The following TNFAIP8L3 variants were observed in gnomAD, a reference collection of about 807,000 sequenced individuals.
The protein encoded by TNFAIP8L3 is tumor necrosis factor alpha-induced protein 8-like protein 3.
In TNFAIP8L3, 7 loss-of-function variants were observed where a neutral mutation model predicts 11.8. That is an observed-to-expected ratio of 0.59 (90% CI 0.34 to 1.11). The LOEUF (loss-of-function observed/expected upper bound fraction) is 1.11, where lower values mean the gene tolerates loss of function less well. Ranked by LOEUF, TNFAIP8L3 falls within the 50% of genes most tolerant of loss-of-function variation. The probability of loss-of-function intolerance (pLI) is 0.03; values close to 1 mark genes in which losing one functional copy is unlikely to be tolerated. For synonymous variants in TNFAIP8L3, 98 were observed against 103.8 expected, an observed-to-expected ratio of 0.94 and a Z score of 0.34; for missense variants, 219 against 258.6, an observed-to-expected ratio of 0.85 and a Z score of 1.05.
At chr15:51,084,060 A>G (rs561964911) in intron 1 of TNFAIP8L3, among the ~76,000 whole-genome samples, 2 of 152,328 alleles carry the variant, frequency 1.3e-5, no homozygotes, top group Admixed American at 1.3e-4. Context: ...AAAATTACCT[A>G]TGCACTCATC....
upstream of TNFAIP8L3, among the ~76,000 whole-genome samples, chr15:51,095,174 G>C (rs1039119942): frequency 6.6e-6 from 1 of 151,306 alleles, no homozygotes; most frequent in African/African-American, 2.4e-5. Context: ...CAGAGACCTT[G>C]GACGAGACCT....
chr15:51,087,999 G>A (rs2065442524), intron 1 of TNFAIP8L3, among the ~76,000 whole-genome samples: 1 of 143,330 alleles, frequency 7.0e-6, no homozygotes, highest in Admixed American at 7.3e-5. Flanking sequence ...GATTTTTAGA[G>A]GAAACTTGTC....
intron 1 of TNFAIP8L3, among the ~76,000 whole-genome samples, chr15:51,078,363 G>C (rs1308490315): frequency 6.6e-6 from 1 of 152,192 alleles, no homozygotes; most frequent in South Asian, 2.1e-4. Flanking sequence ...ATCCTGGAAC[G>C]CTGAGGGCAC....
intron 1 of TNFAIP8L3, among the ~76,000 whole-genome samples, chr15:51,086,892 TTC>T (rs1187126660): frequency 1.3e-5 from 2 of 148,896 alleles, no homozygotes; most frequent in Non-Finnish European, 3.0e-5. Flanking sequence ...TTGCTACAAC[TTC>T]TTTTTTTTTT....
intron 1 of TNFAIP8L3, among the ~76,000 whole-genome samples, chr15:51,077,235 T>C (rs2065358625): frequency 6.6e-6 from 1 of 152,192 alleles, no homozygotes; most frequent in African/African-American, 2.4e-5. Context: ...TCATGCTGGC[T>C]CTCCCCAAGG....
chr15:51,104,568 G>A (rs1023918291), intron 1 of TNFAIP8L3, among the ~76,000 whole-genome samples: 1 of 152,166 alleles, frequency 6.6e-6, no homozygotes, highest in Non-Finnish European at 1.5e-5. Flanking sequence ...GTCTGCTGCA[G>A]CCTCGTCCCT....
intron 1 of TNFAIP8L3, among the ~76,000 whole-genome samples, chr15:51,102,995 C>T (rs1430861662): frequency 6.6e-6 from 1 of 152,096 alleles, no homozygotes; most frequent in Non-Finnish European, 1.5e-5. Flanking sequence ...CCCTCTCCTC[C>T]CCTTCTCTTC....
intron 1 of TNFAIP8L3, among the ~76,000 whole-genome samples, chr15:51,072,230 TC>T (rs2065313963): frequency 1.3e-5 from 2 of 152,140 alleles, no homozygotes; most frequent in African/African-American, 2.4e-5. Flanking sequence ...AACCTCTGCC[TC>T]CTGGTTTCAA....
At chr15:51,060,753 A>G (rs187033870) in intron 1 of TNFAIP8L3, among the ~76,000 whole-genome samples, 1 of 152,328 alleles carries the variant, frequency 6.6e-6, no homozygotes, top group Admixed American at 6.5e-5. Context: ...GCCTGATTCC[A>G]TACCCTGCTG....
upstream of TNFAIP8L3, among the ~76,000 whole-genome samples, chr15:51,094,952 C>T (rs967360068): frequency 6.6e-6 from 1 of 151,928 alleles, no homozygotes; most frequent in East Asian, 1.9e-4. This position sits in a 1 kb window ranked among gnomAD's most constrained non-coding sequence, Gnocchi z 4.4. Flanking sequence ...GGGGCGGCGC[C>T]GCGCCTCCCT....
At chr15:51,092,005 CT>C (rs1290777188) in intron 1 of TNFAIP8L3, among the ~76,000 whole-genome samples, 15 of 152,146 alleles carry the variant, frequency 9.9e-5, no homozygotes, top group Admixed American at 2.0e-4. Flanking sequence ...TACTGTTATC[CT>C]CATTTTACAG....
intron 1 of TNFAIP8L3, among the ~76,000 whole-genome samples, chr15:51,102,783 C>G (rs2065563698): frequency 6.6e-6 from 1 of 152,176 alleles, no homozygotes; most frequent in African/African-American, 2.4e-5. Flanking sequence ...TGACTTCCTG[C>G]TACTTCCTTT....
At chr15:51,070,430 T>C (rs13380237) in intron 1 of TNFAIP8L3, among the ~76,000 whole-genome samples, 9,616 of 152,322 alleles carry the variant, frequency 0.063, 1,041 homozygotes, top group African/African-American at 0.22. Context: ...TGCTCTTCCA[T>C]GTGCTTTATG....
intron 1 of TNFAIP8L3, among the ~76,000 whole-genome samples, chr15:51,104,031 C>T (rs1423848052): frequency 6.6e-6 from 1 of 152,162 alleles, no homozygotes; most frequent in Non-Finnish European, 1.5e-5. Flanking sequence ...CAACCATTCT[C>T]ACCTCAATCA....
chr15:51,072,661 G>A (rs576326559), intron 1 of TNFAIP8L3, among the ~76,000 whole-genome samples: 5 of 151,922 alleles, frequency 3.3e-5, no homozygotes, highest in African/African-American at 4.8e-5. Context: ...TTCTCCCCAC[G>A]ATTTATTCTA....
Position 51,104,311 on chromosome 15 carries a change from G to C in TNFAIP8L3, c.172+694C>G, listed in dbSNP as rs149999053. 4.9e-3 allele frequency among the ~76,000 whole-genome samples: 749 copies of C among 152,156 alleles called. 3 individuals are homozygous for C. Among genetic ancestry groups the C allele is most frequent in the African/African-American group, 0.017 (716 of 41,526 alleles). On this transcript the variant is annotated intron_variant, in intron 1 of 2. Transcript: ENST00000327536. ...TCTCTTGGCTGTCTCCCCTTATCCA[G>C]CCTTGCCCAAATCCAGCTACACCCA...
intron 1 of TNFAIP8L3, among the ~76,000 whole-genome samples, chr15:51,061,541 T>A (rs955081037): frequency 2.0e-5 from 3 of 152,240 alleles, no homozygotes; most frequent in African/African-American, 7.2e-5. Context: ...CAAGGTCTTC[T>A]TTAAAAATTG....
At chr15:51,064,034 G>C (rs1008988083) in intron 1 of TNFAIP8L3, among the ~76,000 whole-genome samples, 1 of 152,132 alleles carries the variant, frequency 6.6e-6, no homozygotes, top group Non-Finnish European at 1.5e-5. Flanking sequence ...TACAGTGAGG[G>C]CTCAGGAGGG....
At chr15:51,073,859 T>G (rs961698160) in intron 1 of TNFAIP8L3, among the ~76,000 whole-genome samples, 5 of 152,376 alleles carry the variant, frequency 3.3e-5, no homozygotes, top group African/African-American at 9.6e-5. Flanking sequence ...TGCTAAGGCA[T>G]TGTTTGCTTT....
Sources: gnomAD v4.1 joint callset for allele counts (sites outside exome capture counted in the v4.1 genomes callset) on GRCh38, gnomAD v4.1.1 for gene constraint, Gnocchi (gnomAD v3.1) non-coding constraint, MANE v1.5 for transcripts, NCBI Gene and HGNC (gene_info 2026-07-23, HGNC 2026-07-21) for gene names.